Variants in SHISA9 observed in about 807,000 individuals in gnomAD.
SHISA9 encodes protein shisa-9.
Under a neutral mutation model 38.0 loss-of-function variants are expected in SHISA9, and 13 were observed. The observed-to-expected ratio is 0.34, with a 90% confidence interval of 0.22 to 0.54. The LOEUF (loss-of-function observed/expected upper bound fraction) is 0.54. Ranked by LOEUF, SHISA9 falls within the 20% of genes least tolerant of loss-of-function variation. The probability of loss-of-function intolerance (pLI) is 0.91; values close to 1 mark genes in which losing one functional copy is unlikely to be tolerated. For missense variants in SHISA9, 538 were observed against 575.8 expected (o/e 0.93, Z 0.67); for synonymous variants, 275 against 242.0 (o/e 1.14, Z -1.27).
the SHISA9 span, among the ~76,000 whole-genome samples, chr16:13,377,079 G>A: frequency 6.6e-6 from 1 of 152,208 alleles, no homozygotes; most frequent in Non-Finnish European, 1.5e-5. Context: ...AAGAATTGCG[G>A]GAAGGGTTAC....
At chr16:13,280,763 A>G in the SHISA9 span, among the ~76,000 whole-genome samples, 3 of 151,872 alleles carry the variant, frequency 2.0e-5, no homozygotes, top group African/African-American at 7.2e-5. Context: ...CTCAAAATCA[A>G]TCAAGAATCT....
At chr16:12,952,295 C>T (rs2071768218) in intron 2 of SHISA9, among the ~76,000 whole-genome samples, 1 of 152,218 alleles carries the variant, frequency 6.6e-6, no homozygotes, top group Non-Finnish European at 1.5e-5. Flanking sequence ...GATGTCTCCA[C>T]TGGGCCTGTG....
chr16:13,528,296 T>C, the SHISA9 span, among the ~76,000 whole-genome samples: 1 of 152,014 alleles, frequency 6.6e-6, no homozygotes, highest in African/African-American at 2.4e-5. Flanking sequence ...AGAGTCCATT[T>C]CCACACTTCT....
chr16:13,535,891 C>A, the SHISA9 span, among the ~76,000 whole-genome samples: 1 of 152,214 alleles, frequency 6.6e-6, no homozygotes, highest in Non-Finnish European at 1.5e-5. Context: ...GATCTGCTAA[C>A]TACAGCTTCA....
chr16:12,914,820 C>A (rs911251298), intron 1 of SHISA9, among the ~76,000 whole-genome samples: 1 of 152,216 alleles, frequency 6.6e-6, no homozygotes. Flanking sequence ...TGAACTCCAC[C>A]CCTGTAGTTT....
At chr16:12,963,340 G>T (rs953493928) in intron 2 of SHISA9, among the ~76,000 whole-genome samples, 1 of 152,180 alleles carries the variant, frequency 6.6e-6, no homozygotes, top group Non-Finnish European at 1.5e-5. Context: ...AAGAAAAGCT[G>T]GGGGCTGGAG....
the SHISA9 span, among the ~76,000 whole-genome samples, chr16:13,370,186 T>G: frequency 3.9e-5 from 6 of 152,328 alleles, no homozygotes; most frequent in African/African-American, 1.2e-4. Flanking sequence ...TGTCTGTTTT[T>G]ACGCCTCCTG....
intron 2 of SHISA9, among the ~76,000 whole-genome samples, chr16:13,189,997 G>A (rs2050867268): frequency 6.6e-6 from 1 of 152,048 alleles, no homozygotes; most frequent in Non-Finnish European, 1.5e-5. Context: ...TGGGGCTATT[G>A]AGTGAAGGGG....
chr16:13,433,711 T>G, the SHISA9 span, among the ~76,000 whole-genome samples: 1 of 152,182 alleles, frequency 6.6e-6, no homozygotes, highest in African/African-American at 2.4e-5. Context: ...ACTCTGGGAA[T>G]GCAAGGGGAA....
At chr16:13,082,109 A>C (rs1596635680) in intron 2 of SHISA9, among the ~76,000 whole-genome samples, 1 of 152,272 alleles carries the variant, frequency 6.6e-6, no homozygotes, top group South Asian at 2.1e-4. Context: ...AAGGGGAAAT[A>C]AAAGGACAGT....
chr16:13,157,907 A>T (rs1179248611), intron 2 of SHISA9, among the ~76,000 whole-genome samples: 2 of 152,188 alleles, frequency 1.3e-5, no homozygotes, highest in South Asian at 2.1e-4. Flanking sequence ...CCTCAGCTCC[A>T]TTTGTTTGTT....
At chr16:13,255,694 A>G in the SHISA9 span, among the ~76,000 whole-genome samples, 1 of 152,150 alleles carries the variant, frequency 6.6e-6, no homozygotes, top group Non-Finnish European at 1.5e-5. Flanking sequence ...CATTAATTCT[A>G]CCTCCCAATC....
chr16:13,102,327 A>G (rs2073886631), intron 2 of SHISA9, among the ~76,000 whole-genome samples: 1 of 152,198 alleles, frequency 6.6e-6, no homozygotes, highest in Admixed American at 6.5e-5. Flanking sequence ...CCTTCAGATG[A>G]AATTACAAAC....
intron 2 of SHISA9, among the ~76,000 whole-genome samples, chr16:12,951,180 C>G (rs1324756826): frequency 8.1e-6 from 1 of 123,678 alleles, no homozygotes; most frequent in African/African-American, 3.1e-5. Flanking sequence ...AAGATCGCAC[C>G]ACGGCACTCC....
chr16:13,481,438 A>G, the SHISA9 span, among the ~76,000 whole-genome samples: 1 of 152,194 alleles, frequency 6.6e-6, no homozygotes, highest in African/African-American at 2.4e-5. Context: ...TGTTTTACTC[A>G]TTCACTTTTA....
At chr16:13,433,922 A>T in the SHISA9 span, among the ~76,000 whole-genome samples, 3 of 152,180 alleles carry the variant, frequency 2.0e-5, no homozygotes, top group Non-Finnish European at 2.9e-5. Flanking sequence ...AACTAATAGG[A>T]TAGATGTATG....
intron 2 of SHISA9, among the ~76,000 whole-genome samples, chr16:13,004,949 A>AT (rs2072577785): frequency 7.5e-6 from 1 of 133,618 alleles, no homozygotes; most frequent in Non-Finnish European, 1.6e-5. Flanking sequence ...AAAAGAAAAA[A>AT]AAAAAAAAAG....
chr16:13,475,756 T>G, the SHISA9 span, among the ~76,000 whole-genome samples: 2 of 152,224 alleles, frequency 1.3e-5, no homozygotes, highest in African/African-American at 4.8e-5. Context: ...GTGAGAGTCC[T>G]GACCTTGTTT....
At chr16:13,059,617 G>GCA (rs928768646) in intron 2 of SHISA9, among the ~76,000 whole-genome samples, 7 of 152,096 alleles carry the variant, frequency 4.6e-5, no homozygotes, top group African/African-American at 1.7e-4. Flanking sequence ...AACCACCATG[G>GCA]CACACGTTTA....
Sources: gnomAD v4.1 joint callset for allele counts (sites outside exome capture counted in the v4.1 genomes callset) on GRCh38, gnomAD v4.1.1 for gene constraint, MANE v1.5 for transcripts, NCBI Gene and HGNC (gene_info 2026-07-23, HGNC 2026-07-21) for gene names.